CFAP54: variants seen among roughly 807,000 people sequenced by gnomAD.
The protein encoded by CFAP54 is cilia and flagella associated protein 54, also known as cilia- and flagella-associated protein 54.
Under a neutral mutation model 370.4 loss-of-function variants are expected in CFAP54, and 290 were observed. The observed-to-expected ratio is 0.78, with a 90% CI of 0.71 to 0.86. CFAP54 has a LOEUF of 0.86. Ranked by LOEUF, CFAP54 falls within the 40% of genes least tolerant of loss-of-function variation. The pLI, the probability that CFAP54 is intolerant of heterozygous loss-of-function variation, is 0.00. For missense variants in CFAP54, 3,399 were observed against 3,528.7 expected (o/e 0.96, Z 0.93); for synonymous variants, 1,206 against 1,236.5 (o/e 0.98, Z 0.52).
chr12:96,557,221 C>T (rs188973280), intron 17 of CFAP54, among the ~76,000 whole-genome samples: 3 of 152,238 alleles, frequency 2.0e-5, no homozygotes, highest in East Asian at 1.9e-4. Context: ...TTGAATCTTC[C>T]TTCTCATGCC....
intron 26 of CFAP54, among the ~76,000 whole-genome samples, chr12:96,601,649 A>G (rs976793667): frequency 1.3e-5 from 2 of 152,006 alleles, no homozygotes; most frequent in African/African-American, 4.8e-5. Flanking sequence ...TTATTGATGT[A>G]TTCAGAGATT....
At position 96,506,892 on chromosome 12, in the gene CFAP54, T is replaced by C. The variant is rs1228531906; in HGVS notation, c.568-36T>C. 2.0e-6 allele frequency: 3 copies of C among 1,490,834 alleles called. No homozygotes were observed. In the African/African-American group the frequency reaches 4.2e-5, roughly 21 times the overall value. 92.4% of individuals were successfully genotyped at this position (1,490,834 alleles called of 1,614,324 possible). A position where few individuals can be genotyped will look rare whatever the true frequency, so the allele number is the denominator to read the frequency against. ...GTGAGCTACTGTTCCTGGCCAGTTA[T>C]TTCTATTTCTATTTCTATTTTCCCA... On this transcript the variant is annotated intron_variant, in intron 3 of 67. Coordinates refer to ENST00000524981, the MANE Select transcript of CFAP54 (RefSeq NM_001306084.2).
intron 1 of CFAP54, among the ~76,000 whole-genome samples, chr12:96,494,392 C>T (rs1265504919): frequency 3.3e-5 from 5 of 152,244 alleles, no homozygotes; most frequent in Middle Eastern, 3.4e-3. Flanking sequence ...CCTCCGCCTC[C>T]GGAGTTCAAG....
At chr12:96,501,205 G>T in intron 2 of CFAP54, 1 of 297,720 alleles carries the variant, frequency 3.4e-6, no homozygotes, top group Non-Finnish European at 6.4e-6. Context: ...GGTTAACAGA[G>T]GGTGTGGTAG....
At position 96,753,898 on chromosome 12, in the gene CFAP54, G is replaced by T; in HGVS notation, c.7840G>T (p.Gly2614Cys). The T allele has an allele frequency of 2.5e-6, 4 of 1,612,924 alleles. No homozygotes were observed. Among genetic ancestry groups the T allele is most frequent in the Non-Finnish European group, 3.4e-6 (4 of 1,179,360 alleles). ...EVEAEILFQK[G>C]KIERQILMEE... The stretch of plus-strand genomic sequence containing the variant: ...GGAAGCTGAAATCCTTTTTCAGAAA[G>T]GTAAAATGCATCTGGGGTCAGAACT... Residue 2614 changes from glycine (G) to cysteine (C), a missense_variant and splice_region_variant, in exon 56 of 68, where the codon GGC (glycine) becomes TGC (cysteine). Physicochemically the swap from Gly to Cys is radical, Grantham distance 159. Around this residue, in one of 3 missense-constraint regions of CFAP54, gnomAD observed 2,796 missense variants for 2,869.7 expected, o/e 0.97. Transcript: ENST00000524981.
chr12:96,792,224 A>G, intron 62 of CFAP54, 105 bp from the exon 63 acceptor site: 1 of 958,952 alleles, frequency 1.0e-6, no homozygotes, highest in Non-Finnish European at 1.5e-6. Context: ...CCATAAAACA[A>G]GCTGAGACAA....
intron 1 of CFAP54, among the ~76,000 whole-genome samples, chr12:96,497,841 C>T (rs1234701156): frequency 2.6e-5 from 4 of 152,180 alleles, no homozygotes; most frequent in South Asian, 2.1e-4. Context: ...TGGCTTTTTA[C>T]GTAGATAAGA....
chr12:96,680,548 T>C (rs922276909), intron 40 of CFAP54, among the ~76,000 whole-genome samples: 2 of 152,212 alleles, frequency 1.3e-5, no homozygotes, highest in African/African-American at 4.8e-5. Flanking sequence ...TTTAAACTTA[T>C]ACTTAATTAA....
intron 20 of CFAP54, among the ~76,000 whole-genome samples, chr12:96,576,967 G>A (rs1955984942): frequency 6.6e-6 from 1 of 151,930 alleles, no homozygotes; most frequent in Non-Finnish European, 1.5e-5. Flanking sequence ...GATATGCTCT[G>A]TATTGCATTG....
At chr12:96,765,374 A>T in intron 60 of CFAP54, 156 bp downstream of exon 60, 1 of 497,348 alleles carries the variant, frequency 2.0e-6, no homozygotes. Flanking sequence ...GGGCCAAAAT[A>T]GAGGGCTCTT....
At chr12:96,702,119 G>A (rs531879886) in intron 46 of CFAP54, among the ~76,000 whole-genome samples, 10 of 152,262 alleles carry the variant, frequency 6.6e-5, no homozygotes, top group African/African-American at 2.4e-4. Flanking sequence ...TTTGGATACA[G>A]GATGTAAGAG....
intron 45 of CFAP54, among the ~76,000 whole-genome samples, chr12:96,699,050 G>T (rs1417328014): frequency 1.3e-5 from 2 of 152,168 alleles, no homozygotes; most frequent in Non-Finnish European, 2.9e-5. Context: ...CTGATTGGTT[G>T]CAGAAAGCAG....
rs7488458 is a variant in CFAP54 at position 96,615,496 on chromosome 12, G to T, written c.3640-6094G>T. Among the ~76,000 whole-genome samples the T allele has an allele frequency of 4.6e-5, 7 of 151,906 alleles. No homozygotes were observed. In the South Asian group the frequency reaches 1.2e-3, roughly 27 times the overall value. On this transcript the variant is annotated intron_variant, in intron 26 of 67. Transcript: ENST00000524981. ...AACACCAATAGCAATGGCAACAAAA[G>T]CCAAAATTGACAAATGGGATCTAAT...
chr12:96,655,235 A>G (rs1055699338), intron 36 of CFAP54, among the ~76,000 whole-genome samples: 4 of 152,006 alleles, frequency 2.6e-5, no homozygotes, highest in African/African-American at 9.7e-5. Context: ...AGAGGTTTCA[A>G]AAAGAAATGT....
chr12:96,743,580 G>C, intron 53 of CFAP54, 21 bp downstream of exon 53: 2 of 1,613,548 alleles, frequency 1.2e-6, no homozygotes, highest in Non-Finnish European at 8.5e-7. Flanking sequence ...AACTTTGTTC[G>C]TATTTATAGT....
Position 96,651,190 on chromosome 12 carries a change from T to C in CFAP54, c.4873-398T>C, listed in dbSNP as rs141825466. Among the ~76,000 whole-genome samples the C allele has an allele frequency of 4.2e-3, 644 of 152,308 alleles. 4 individuals are homozygous for C. Among genetic ancestry groups the C allele is most frequent in the African/African-American group, 0.014 (597 of 41,546 alleles). ...CTGCTTTATTTTTCTTTATAAAACT[T>C]CTTATTGCTTGAAATTATGTTTTTA... is the stretch of plus-strand genomic sequence containing the variant. On this transcript the variant is annotated intron_variant, in intron 35 of 67. Transcript: ENST00000524981.
At chr12:96,815,333 G>A (rs913960150) in intron 64 of CFAP54, among the ~76,000 whole-genome samples, 1 of 152,072 alleles carries the variant, frequency 6.6e-6, no homozygotes, top group African/African-American at 2.4e-5. Flanking sequence ...TCATATGTTT[G>A]TTGGCTGCCT....
chr12:96,742,613 T>G, intron 52 of CFAP54, 27 bp downstream of exon 52: 1 of 1,588,072 alleles, frequency 6.3e-7, no homozygotes, highest in Non-Finnish European at 8.6e-7. Flanking sequence ...AATCAATGTT[T>G]TCATAAAAAT....
intron 26 of CFAP54, among the ~76,000 whole-genome samples, chr12:96,613,733 A>G (rs1956385561): frequency 6.6e-6 from 1 of 152,234 alleles, no homozygotes; most frequent in South Asian, 2.1e-4. Context: ...AGAGAATACT[A>G]TAAACACCTA....
Sources: allele counts gnomAD v4.1 joint callset (sites outside exome capture counted in the v4.1 genomes callset), GRCh38; gene constraint gnomAD v4.1.1; regional missense constraint gnomAD v4.1.1; transcripts MANE v1.5; gene names NCBI Gene and HGNC (gene_info 2026-07-23, HGNC 2026-07-21).